Variants in KDM7A observed in about 807,000 individuals in gnomAD.
KDM7A encodes the protein lysine-specific demethylase 7A.
KDM7A carries 28 observed loss-of-function variants against 114.8 expected under a neutral mutation model. The ratio of observed to expected loss-of-function variants is 0.24; its 90% CI spans 0.18 to 0.33. The LOEUF is 0.33. KDM7A is among the 10% of genes least tolerant of loss of function. KDM7A has a pLI of 1.00. For synonymous variants in KDM7A, 423 were observed against 397.8 expected (o/e 1.06, Z -0.75); for missense variants, 942 against 1,142.5 (o/e 0.82, Z 2.53).
intron 12 of KDM7A, among the ~76,000 whole-genome samples, chr7:140,100,696 A>T (rs562959502): frequency 2.5e-5 from 1 of 40,684 alleles, no homozygotes; most frequent in African/African-American, 1.0e-4. Context: ...ATACATATAT[A>T]TATATATATA....
chr7:140,163,695 A>G (rs1383456412), intron 1 of KDM7A, among the ~76,000 whole-genome samples: 1 of 151,932 alleles, frequency 6.6e-6, no homozygotes, highest in South Asian at 2.1e-4. Flanking sequence ...CAACTTCTCT[A>G]TATTGCTCAA....
chr7:140,118,987 TA>T, intron 9 of KDM7A, 125 bp downstream of exon 9: 3 of 560,768 alleles, frequency 5.3e-6, no homozygotes, highest in South Asian at 3.4e-5. Context: ...ACCACTTATT[TA>T]AAAAACAAAA....
chr7:140,091,281 G>GT (rs1818015008), intron 19 of KDM7A, 93 bp from the exon 20 acceptor site: 1 of 871,316 alleles, frequency 1.1e-6, no homozygotes, highest in Admixed American at 1.8e-5. Flanking sequence ...TTTATGGGAA[G>GT]TAAGCCCTTA....
chr7:140,162,943 G>A (rs1016030165), intron 1 of KDM7A, among the ~76,000 whole-genome samples: 38 of 151,488 alleles, frequency 2.5e-4, no homozygotes, highest in African/African-American at 8.0e-4. Context: ...GAAGCTCTCT[G>A]AGATATCCAG....
chr7:140,155,469 A>T (rs1197164776), intron 1 of KDM7A, among the ~76,000 whole-genome samples: 1 of 152,198 alleles, frequency 6.6e-6, no homozygotes, highest in Admixed American at 6.5e-5. Context: ...GATATTTGCC[A>T]AATCCCTTTT....
chr7:140,114,859 CGCCCCGTCTG>C (rs1562950188), intron 9 of KDM7A, among the ~76,000 whole-genome samples: 7 of 107,986 alleles, frequency 6.5e-5, no homozygotes, highest in African/African-American at 1.5e-4. Context: ...GCCCGGCAGC[CGCCCCGTCTG>C]AGAAGTGAGG....
At chr7:140,133,703 T>C (rs961120011) in intron 2 of KDM7A, 47 bp from the exon 3 acceptor site, 1 of 986,700 alleles carries the variant, frequency 1.0e-6, no homozygotes, top group African/African-American at 1.6e-5. Flanking sequence ...TAACTGGTGA[T>C]ACTATGTGAT....
At chr7:140,150,214 C>A (rs990852116) in intron 1 of KDM7A, among the ~76,000 whole-genome samples, 2 of 152,140 alleles carry the variant, frequency 1.3e-5, no homozygotes, top group Non-Finnish European at 2.9e-5. Flanking sequence ...AATATATACA[C>A]CCTACTACTG....
intron 3 of KDM7A, among the ~76,000 whole-genome samples, chr7:140,131,709 A>C (rs925309107): frequency 1.3e-5 from 2 of 152,230 alleles, no homozygotes; most frequent in African/African-American, 2.4e-5. Context: ...AGTCTAAGGG[A>C]GAATTTTAAA....
At chr7:140,106,843 T>C (rs1423081883) in intron 11 of KDM7A, among the ~76,000 whole-genome samples, 3 of 152,184 alleles carry the variant, frequency 2.0e-5, no homozygotes, top group Non-Finnish European at 4.4e-5. Context: ...GATATTCTTG[T>C]TAACTTTCTG....
At position 140,091,747 on chromosome 7, in the gene KDM7A, T is replaced by C. The variant is rs972045892; in HGVS notation, c.2731+57A>G. On this transcript the variant is annotated intron_variant, in intron 19 of 19. Coordinates refer to ENST00000397560, the MANE Select transcript of KDM7A (RefSeq NM_030647.2). ...TGCAGAGACTACACCTCAACTGCCATGATGACCATCACATACAGTCAGAAA... is the reference window on the plus strand; with the variant it reads ...TGCAGAGACTACACCTCAACTGCCACGATGACCATCACATACAGTCAGAAA... 125 of 1,578,334 alleles carry C rather than the reference T, an allele frequency of 7.9e-5. 1 individual carries two copies. The Admixed American group carries it at 1.8e-3, about 23-fold the overall frequency.
At chr7:140,171,404 G>C (rs1047477695) in intron 1 of KDM7A, among the ~76,000 whole-genome samples, 4 of 150,900 alleles carry the variant, frequency 2.7e-5, no homozygotes, top group Non-Finnish European at 5.9e-5. Context: ...GGGAGACAGA[G>C]GTTGCAGTGA....
intron 11 of KDM7A, among the ~76,000 whole-genome samples, chr7:140,103,801 C>T (rs1397331775): frequency 5.3e-5 from 8 of 152,068 alleles, no homozygotes; most frequent in African/African-American, 1.9e-4. Flanking sequence ...AGCAGCATGA[C>T]TTATAATCCT....
intron 7 of KDM7A, among the ~76,000 whole-genome samples, chr7:140,124,019 G>A (rs185054759): frequency 1.1e-3 from 159 of 149,352 alleles, no homozygotes; most frequent in African/African-American, 3.6e-3. Context: ...GCAGTGAGCC[G>A]ACATCAGGCC....
chr7:140,096,806 T>A (rs528893507), intron 16 of KDM7A, 43 bp from the exon 17 acceptor site: 1 of 1,595,528 alleles, frequency 6.3e-7, no homozygotes, highest in Non-Finnish European at 8.6e-7. Context: ...CTATTTTTTC[T>A]GATGACATTT....
intron 1 of KDM7A, among the ~76,000 whole-genome samples, chr7:140,143,232 T>A (rs553540164): frequency 6.7e-6 from 1 of 150,114 alleles, no homozygotes; most frequent in African/African-American, 2.4e-5. Flanking sequence ...ATTCTATGTA[T>A]GCAGAAAATT....
chr7:140,151,678 T>C (rs1420169752), intron 1 of KDM7A, among the ~76,000 whole-genome samples: 2 of 152,256 alleles, frequency 1.3e-5, no homozygotes, highest in South Asian at 2.1e-4. Flanking sequence ...ATGTATATAT[T>C]ATGCCCATTT....
intron 17 of KDM7A, 46 bp from the exon 18 acceptor site, chr7:140,094,184 G>T: frequency 8.5e-7 from 1 of 1,171,790 alleles, no homozygotes; most frequent in Non-Finnish European, 1.3e-6. Flanking sequence ...AACTTGATTT[G>T]AAATGACAAA....
intron 1 of KDM7A, among the ~76,000 whole-genome samples, chr7:140,151,464 G>A (rs1268157589): frequency 3.9e-5 from 6 of 152,146 alleles, no homozygotes; most frequent in African/African-American, 7.2e-5. Context: ...CTTGGAGCCC[G>A]TTTAAATATA....
Sources: allele counts gnomAD v4.1 joint callset (sites outside exome capture counted in the v4.1 genomes callset), GRCh38; gene constraint gnomAD v4.1.1; transcripts MANE v1.5; gene names NCBI Gene and HGNC (gene_info 2026-07-23, HGNC 2026-07-21).